The following TOP3A variants were observed in gnomAD, a reference collection of about 807,000 sequenced individuals.
TOP3A encodes the protein DNA topoisomerase III alpha, also known as DNA topoisomerase 3-alpha.
A neutral mutation model predicts 111.3 loss-of-function variants in TOP3A; 64 were observed. The ratio of observed to expected loss-of-function variants is 0.57; its 90% CI spans 0.47 to 0.71. The LOEUF is 0.71. Among genes scored for constraint, TOP3A ranks in the 30% least tolerant of loss-of-function variants. TOP3A has a pLI of 0.00. For synonymous variants in TOP3A, 484 were observed against 485.1 expected (o/e 1.00, Z 0.03); for missense variants, 1,104 against 1,285.0 (o/e 0.86, Z 2.15).
At chr17:18,283,783 G>A (rs897993040) in intron 15 of TOP3A, among the ~76,000 whole-genome samples, 4 of 152,140 alleles carry the variant, frequency 2.6e-5, no homozygotes, top group Admixed American at 2.0e-4. Flanking sequence ...CCCCTCCTTG[G>A]TTTGATTCTC....
At chr17:18,312,119 T>A (rs1198886462) in intron 1 of TOP3A, 2 of 152,338 alleles carry the variant, frequency 1.3e-5, no homozygotes, top group Admixed American at 1.3e-4. Flanking sequence ...GTGGCTGATG[T>A]GCCACCTGGG....
chr17:18,291,211 C>G (rs1034261796), intron 11 of TOP3A, among the ~76,000 whole-genome samples, 184 bp from the exon 12 acceptor site: 1 of 152,238 alleles, frequency 6.6e-6, no homozygotes, highest in African/African-American at 2.4e-5. Context: ...GTTGACACAT[C>G]TCACAACTCA....
At chr17:18,303,652 C>T (rs1293056077) in intron 5 of TOP3A, among the ~76,000 whole-genome samples, 1 of 152,166 alleles carries the variant, frequency 6.6e-6, no homozygotes, top group Non-Finnish European at 1.5e-5. Flanking sequence ...ACAGCACCTT[C>T]CCTTAAACTT....
chr17:18,283,813 C>T (rs1979918252), intron 15 of TOP3A, among the ~76,000 whole-genome samples: 1 of 152,146 alleles, frequency 6.6e-6, no homozygotes, highest in South Asian at 2.1e-4. Context: ...GCTCACAGAG[C>T]TCAGGGAAAC....
chr17:18,310,493 ATTATG>A (rs1465777444), intron 1 of TOP3A, among the ~76,000 whole-genome samples: 1 of 152,152 alleles, frequency 6.6e-6, no homozygotes, highest in African/African-American at 2.4e-5. Flanking sequence ...GGACTTCAAG[ATTATG>A]TTAAGTGAAA....
intron 11 of TOP3A, among the ~76,000 whole-genome samples, chr17:18,292,107 G>A (rs1980513563): frequency 6.6e-6 from 1 of 152,344 alleles, no homozygotes; most frequent in South Asian, 2.1e-4. Context: ...GCCTACAGAT[G>A]TAAACAAGCA....
chr17:18,275,483 C>A (rs1046378919), intron 18 of TOP3A, among the ~76,000 whole-genome samples: 56 of 151,420 alleles, frequency 3.7e-4, no homozygotes, highest in Non-Finnish European at 7.2e-4. Flanking sequence ...CCTCAGCCTC[C>A]CGAGTAGCTG....
At chr17:18,306,168 T>A (rs1399476554) in intron 4 of TOP3A, among the ~76,000 whole-genome samples, 69 of 152,158 alleles carry the variant, frequency 4.5e-4, no homozygotes, top group Non-Finnish European at 1.5e-5. Flanking sequence ...ACCATCATAC[T>A]CCAGCCTGGG....
chr17:18,294,608 G>A, intron 10 of TOP3A, 95 bp downstream of exon 10: 2 of 903,776 alleles, frequency 2.2e-6, no homozygotes, highest in South Asian at 2.9e-5. Context: ...GATTACAGGT[G>A]TGAGCCACCG....
intron 17 of TOP3A, among the ~76,000 whole-genome samples, chr17:18,279,423 A>AT (rs1428756737): frequency 4.6e-5 from 7 of 151,290 alleles, no homozygotes; most frequent in Admixed American, 2.0e-4. Flanking sequence ...CGCCTGGCTG[A>AT]TTTTTTGTAT....
chr17:18,305,484 A>ACGTGCGCG lies in TOP3A; in HGVS notation c.391-265_391-264insCGCGCACG, dbSNP rs780995241. Among the ~76,000 whole-genome samples, 29 of 147,880 alleles carry ACGTGCGCG rather than the reference A, an allele frequency of 2.0e-4. 1 individual carries two copies. Among genetic ancestry groups the ACGTGCGCG allele is most frequent in the Admixed American group, 1.7e-3 (25 of 14,630 alleles). ...CCTGAAATTCAGCTCTAACACACAC[A>ACGTGCGCG]CACGCGCGCGCGCGCGCGCGCACGC... On this transcript the variant is annotated intron_variant, in intron 4 of 18. Transcript: ENST00000321105.
At chr17:18,278,402 C>T in intron 17 of TOP3A, 45 bp from the exon 18 acceptor site, 1 of 1,485,056 alleles carries the variant, frequency 6.7e-7, no homozygotes, top group Non-Finnish European at 9.0e-7. Flanking sequence ...AACCAGATGC[C>T]AGCTTCTCCT....
intron 4 of TOP3A, among the ~76,000 whole-genome samples, chr17:18,305,482 ACACACGCGCG>A (rs1399269222): frequency 2.2e-5 from 3 of 139,288 alleles, no homozygotes; most frequent in Non-Finnish European, 4.5e-5. Context: ...TCTAACACAC[ACACACGCGCG>A]CGCGCGCGCG....
chr17:18,273,503 G>A lies in TOP3A; in HGVS notation c.*1299C>T, dbSNP rs1025121403. 2.0e-5 allele frequency among the ~76,000 whole-genome samples: 3 copies of A among 152,212 alleles called. No homozygotes were observed. Among genetic ancestry groups the A allele is most frequent in the African/African-American group, 4.8e-5 (2 of 41,464 alleles). Reference sequence around the variant, plus strand: ...ATGGGACACAAGGGACAGCCATGAAGGACAGAGGCTGACGAGACCTCCCAG... The same window carrying A: ...ATGGGACACAAGGGACAGCCATGAAAGACAGAGGCTGACGAGACCTCCCAG... On this transcript the variant is annotated 3_prime_UTR_variant, in exon 19 of 19. Coordinates refer to ENST00000321105, the MANE Select transcript of TOP3A (RefSeq NM_004618.5).
chr17:18,302,676 G>T lies in TOP3A; in HGVS notation c.547C>A (p.Pro183Thr). 6.2e-7 allele frequency: 1 copy of T among 1,614,172 alleles called. No individual in the cohort carries two copies. Among genetic ancestry groups the T allele is most frequent in the East Asian group, 2.2e-5 (1 of 44,890 alleles). ...TCACAAGCTGTCCTGACGGCATGGG[G>T]TGTGATCTCAGAGAATCGGGCTCGC... ...VLRARFSEIT[P>T]HAVRTACENL... The change falls in exon 6 of 19, where the codon CCC becomes ACC. Residue 183 changes from proline to threonine, a missense_variant. Coordinates refer to ENST00000321105, the MANE Select transcript of TOP3A (RefSeq NM_004618.5).
At position 18,291,025 on chromosome 17, in the gene TOP3A, T is replaced by C. The variant is rs768341100; in HGVS notation, c.1284A>G (p.Gly428=). 4.3e-6 allele frequency: 7 copies of C among 1,613,816 alleles called. No homozygotes were observed. In the East Asian group the frequency reaches 1.6e-4, roughly 36 times the overall value. ...HPTKYTNNLQ[G]DEQRLYEFIV... ...TAAACTCGTACAGTCGCTGTTCATC[T>C]CCCTAGGAAGAAAAGAGGAGTACGA... The change falls in exon 12 of 19, where the codon GGA becomes GGG. Residue 428 remains glycine, a splice_region_variant and synonymous_variant. Transcript: ENST00000321105.
In TOP3A at chr17:18,302,018, G is replaced by C. The variant is rs1465629206; in HGVS notation, c.815-33C>G. On this transcript the variant is annotated intron_variant, in intron 7 of 18. Coordinates refer to ENST00000321105, the MANE Select transcript of TOP3A (RefSeq NM_004618.5). ...AAGGAGAGACAAACAGAAAGGCTGT[G>C]TCTCAGAGACATGTCATGATATGAC... 3 of 1,587,288 alleles carry C rather than the reference G, an allele frequency of 1.9e-6. No individual in the cohort carries two copies. In the African/African-American group the frequency reaches 4.0e-5, roughly 21 times the overall value.
rs1456802665 is a variant in TOP3A at position 18,302,447 on chromosome 17, GGA to G, written c.644-15_644-14del. ...GTAAAGGCAGCTCCTGGAGAGTGAAGGAGAGTGAAGGAAGGTGAAAATGATGG... is the reference window on the plus strand; with the variant it reads ...GTAAAGGCAGCTCCTGGAGAGTGAAGGAGTGAAGGAAGGTGAAAATGATGG... On this transcript the variant is annotated splice_polypyrimidine_tract_variant and intron_variant, in intron 6 of 18. Coordinates refer to ENST00000321105, the MANE Select transcript of TOP3A (RefSeq NM_004618.5). 3 of 1,516,630 alleles carry G rather than the reference GGA, an allele frequency of 2.0e-6. No homozygotes were observed. Among genetic ancestry groups the G allele is most frequent in the Non-Finnish European group, 1.8e-6 (2 of 1,131,838 alleles). 93.9% of individuals were successfully genotyped at this position (1,516,630 alleles called of 1,614,324 possible). A position where few individuals can be genotyped will look rare whatever the true frequency, so the allele number is the denominator to read the frequency against.
At chr17:18,311,689 A>T (rs896744526) in intron 1 of TOP3A, among the ~76,000 whole-genome samples, 5 of 152,230 alleles carry the variant, frequency 3.3e-5, no homozygotes, top group Admixed American at 1.3e-4. Flanking sequence ...TGTCCTTTGG[A>T]GTTTAGAGTC....
Sources: gnomAD v4.1 joint callset for allele counts (sites outside exome capture counted in the v4.1 genomes callset) on GRCh38, gnomAD v4.1.1 for gene constraint, MANE v1.5 for transcripts, NCBI Gene and HGNC (gene_info 2026-07-23, HGNC 2026-07-21) for gene names.